The following KDM2B variants were observed in gnomAD, a reference collection of about 807,000 sequenced individuals.
KDM2B encodes the protein lysine-specific demethylase 2B.
A neutral mutation model predicts 150.0 loss-of-function variants in KDM2B; 26 were observed. That is an observed-to-expected ratio of 0.17 (90% CI 0.13 to 0.24). The LOEUF (loss-of-function observed/expected upper bound fraction) is 0.24. KDM2B is among the 10% of genes least tolerant of loss of function. The pLI is 1.00. For missense variants in KDM2B, 1,265 were observed against 1,816.9 expected (o/e 0.70, Z 5.52); for synonymous variants, 734 against 729.5 (o/e 1.01, Z -0.10).
chr12:121,455,287 A>C (rs1012785801), intron 12 of KDM2B, among the ~76,000 whole-genome samples: 2 of 152,134 alleles, frequency 1.3e-5, no homozygotes, highest in Admixed American at 6.5e-5. Flanking sequence ...CAGGACCCTC[A>C]GTCATGCCTG....
rs1325352620 is a variant in KDM2B at position 121,578,592 on chromosome 12, C to A, written c.271+210G>T. 4.6e-5 allele frequency among the ~76,000 whole-genome samples: 7 copies of A among 152,022 alleles called. 1 individual carries two copies. The highest frequency in any genetic ancestry group is 6.5e-5 in the Admixed American group (1 of 15,282). On this transcript the variant is annotated intron_variant, in intron 2 of 22. Transcript: ENST00000377071. Reference sequence around the variant, plus strand: ...CCTGGGGCTGGTGGTGGGCGCGGGCCGGGCCTAGGCCCATGCCCGGCCCCC... The same window carrying A: ...CCTGGGGCTGGTGGTGGGCGCGGGCAGGGCCTAGGCCCATGCCCGGCCCCC...
chr12:121,446,184 A>G (rs1472545600), intron 13 of KDM2B, among the ~76,000 whole-genome samples: 1 of 152,136 alleles, frequency 6.6e-6, no homozygotes, highest in Non-Finnish European at 1.5e-5. Context: ...TCACAAGGTC[A>G]GGAGATCGAG....
At chr12:121,440,448 A>T in intron 21 of KDM2B, 1 of 390,940 alleles carries the variant, frequency 2.6e-6, no homozygotes, top group Non-Finnish European at 4.7e-6. Flanking sequence ...TTGCACAACC[A>T]CACTGATCCC....
intron 9 of KDM2B, chr12:121,516,946 G>A (rs1886261554): frequency 1.6e-6 from 1 of 635,482 alleles, no homozygotes; most frequent in Admixed American, 2.8e-5. Context: ...TAAATTATTT[G>A]CAATTTCCAA....
At chr12:121,558,644 G>A (rs1343137436) in intron 4 of KDM2B, among the ~76,000 whole-genome samples, 1 of 151,912 alleles carries the variant, frequency 6.6e-6, no homozygotes, top group Non-Finnish European at 1.5e-5. Context: ...TTGTAGAGAC[G>A]GGGTTTCCTC....
intron 10 of KDM2B, among the ~76,000 whole-genome samples, chr12:121,511,372 C>T (rs1370386415): frequency 2.6e-5 from 4 of 151,482 alleles, no homozygotes; most frequent in South Asian, 4.2e-4. Context: ...CCGCAACCTC[C>T]GCCTCCCAGG....
At chr12:121,579,490 G>GCC in intron 1 of KDM2B, 1 of 832,912 alleles carries the variant, frequency 1.2e-6, no homozygotes, top group Non-Finnish European at 1.7e-6. Flanking sequence ...TGAGACCCCA[G>GCC]CCGCCCCCGC....
At chr12:121,499,128 T>TC (rs1884267401) in intron 11 of KDM2B, among the ~76,000 whole-genome samples, 1 of 150,402 alleles carries the variant, frequency 6.6e-6, no homozygotes, top group African/African-American at 2.5e-5. Context: ...TTTTTTTTTT[T>TC]GAGATGGAAT....
At chr12:121,433,165 T>G (rs1555285927) in intron 22 of KDM2B, 5 of 456,740 alleles carry the variant, frequency 1.1e-5, no homozygotes, top group Non-Finnish European at 2.2e-5. Context: ...GTGGTTCACA[T>G]ATTCCCCAAA....
At chr12:121,576,884 G>T (rs1263499819) in intron 2 of KDM2B, among the ~76,000 whole-genome samples, 1 of 152,320 alleles carries the variant, frequency 6.6e-6, no homozygotes, top group South Asian at 2.1e-4. Context: ...GGGCAGCCTT[G>T]GGGGAGGAGG....
chr12:121,568,988 A>G lies in KDM2B; in HGVS notation c.397+5559T>C, dbSNP rs544356506. ...TTGTGTCCTGAACACCTGGTAGTGC[A>G]CAAATCCCTTTCTCAAACGGCCACG... On this transcript the variant is annotated intron_variant, in intron 4 of 22. Coordinates refer to ENST00000377071, the MANE Select transcript of KDM2B (RefSeq NM_032590.5). 2.0e-5 allele frequency among the ~76,000 whole-genome samples: 3 copies of G among 152,214 alleles called. No homozygotes were observed. The South Asian group carries it at 6.2e-4, about 32-fold the overall frequency.
intron 8 of KDM2B, among the ~76,000 whole-genome samples, chr12:121,531,485 C>T (rs969728507): frequency 1.6e-4 from 25 of 152,188 alleles, no homozygotes; most frequent in Non-Finnish European, 1.3e-4. Context: ...TCCTCTGGTC[C>T]AAGCTTCCAC....
intron 4 of KDM2B, among the ~76,000 whole-genome samples, chr12:121,574,109 T>G (rs1472160173): frequency 6.6e-6 from 1 of 152,192 alleles, no homozygotes. Context: ...GGAGCTCATG[T>G]GCATTTGCTG....
At position 121,442,066 on chromosome 12, in the gene KDM2B, G is replaced by T. The variant is rs1875196895; in HGVS notation, c.3284+91C>A. 2 of 1,085,146 alleles carry T rather than the reference G, an allele frequency of 1.8e-6. No individual in the cohort carries two copies. The highest frequency in any genetic ancestry group is 3.1e-5 in the African/African-American group (2 of 64,274). 67.2% of individuals were successfully genotyped at this position (1,085,146 alleles called of 1,614,324 possible). ...ATGAAGCCATACTGGGGTTTGGAAG[G>T]AAAGAGCATCGCCAGCGACTCCACA... On this transcript the variant is annotated intron_variant, in intron 19 of 22. Transcript: ENST00000377071. This position sits in a 1 kb window ranked among gnomAD's most constrained non-coding sequence, Gnocchi z 7.7.
chr12:121,460,270 T>C (rs904350247), intron 12 of KDM2B, among the ~76,000 whole-genome samples: 1 of 152,222 alleles, frequency 6.6e-6, no homozygotes, highest in Admixed American at 6.5e-5. Flanking sequence ...AAGAAAGACA[T>C]GCAACCACAT....
intron 10 of KDM2B, 76 bp from the exon 11 acceptor site, chr12:121,510,115 C>A: frequency 1.6e-6 from 2 of 1,251,438 alleles, no homozygotes; most frequent in South Asian, 1.5e-5. Context: ...CTCCACTCAC[C>A]AAAAGTCCCC....
intron 11 of KDM2B, among the ~76,000 whole-genome samples, chr12:121,509,231 C>CT (rs797036746): frequency 1.1e-3 from 156 of 144,940 alleles, no homozygotes; most frequent in South Asian, 2.9e-3. Context: ...GCTAATTTTC[C>CT]TTTTTTTTTT....
At chr12:121,571,761 C>T (rs1555315992) in intron 4 of KDM2B, among the ~76,000 whole-genome samples, 1 of 151,544 alleles carries the variant, frequency 6.6e-6, no homozygotes, top group Non-Finnish European at 1.5e-5. Context: ...AGAGATTCTC[C>T]TGCCTCAGCC....
intron 12 of KDM2B, among the ~76,000 whole-genome samples, chr12:121,489,821 G>A (rs1883168564): frequency 6.6e-6 from 1 of 152,192 alleles, no homozygotes; most frequent in Non-Finnish European, 1.5e-5. Flanking sequence ...GGGCCAGGAA[G>A]CTGTATTTTT....
Sources: allele counts gnomAD v4.1 joint callset (sites outside exome capture counted in the v4.1 genomes callset), GRCh38; gene constraint gnomAD v4.1.1; non-coding constraint Gnocchi (gnomAD v3.1); transcripts MANE v1.5; gene names NCBI Gene and HGNC (gene_info 2026-07-23, HGNC 2026-07-21).